The following CMKLR1 variants were observed in gnomAD, a reference collection of about 807,000 sequenced individuals.
The protein encoded by CMKLR1 is chemerin-like receptor 1.
CMKLR1 carries 6 observed loss-of-function variants against 8.2 expected under a neutral mutation model. The observed-to-expected ratio is 0.73, with a 90% confidence interval of 0.40 to 1.44. CMKLR1 has a LOEUF of 1.44. Among genes scored for constraint, CMKLR1 ranks in the 40% most tolerant of loss-of-function variants. The probability of loss-of-function intolerance (pLI) is 0.02; values close to 1 mark genes in which losing one functional copy is unlikely to be tolerated. For synonymous variants in CMKLR1, 178 were observed against 181.2 expected (o/e 0.98, Z 0.14); for missense variants, 429 against 478.0 (o/e 0.90, Z 0.96).
chr12:108,331,077 C>G (rs1184212247), intron 1 of CMKLR1, among the ~76,000 whole-genome samples: 1 of 152,194 alleles, frequency 6.6e-6, no homozygotes, highest in East Asian at 1.9e-4. Flanking sequence ...GGGGCAGAGA[C>G]AGAAAGGTTC....
chr12:108,301,983 A>G (rs6539422), intron 2 of CMKLR1, among the ~76,000 whole-genome samples: 55,650 of 151,648 alleles, frequency 0.37, 10,589 homozygotes, highest in East Asian at 0.47. Context: ...CCTGCCTCCA[A>G]CGGAGGAAGA....
In CMKLR1 at chr12:108,330,101, G is replaced by C. The variant is rs913284421; in HGVS notation, c.-180C>G. On this transcript the variant is annotated 5_prime_UTR_variant, in exon 2 of 4. Coordinates refer to ENST00000550402, the MANE Select transcript of CMKLR1 (RefSeq NM_001142343.2). ...CAGAAAGTGGTAGAAGTGATGCTGT[G>C]CTAGTCCCAGCCTAGATCTCTAGAT... The C allele has an allele frequency of 1.3e-5, 2 of 152,204 alleles. No individual in the cohort carries two copies. The highest frequency in any genetic ancestry group is 4.8e-5 in the African/African-American group (2 of 41,446). The allele number at this position is 152,204 out of a possible 1,614,324, so 9.4% of individuals were successfully genotyped here.
chr12:108,321,053 C>G (rs185915858), intron 2 of CMKLR1, among the ~76,000 whole-genome samples: 1 of 152,228 alleles, frequency 6.6e-6, no homozygotes, highest in African/African-American at 2.4e-5. Context: ...CTCAGCAGAG[C>G]AGGAGCAGCC....
intron 2 of CMKLR1, among the ~76,000 whole-genome samples, chr12:108,311,567 A>G (rs148529038): frequency 4.9e-4 from 75 of 152,356 alleles, no homozygotes; most frequent in African/African-American, 1.8e-3. Flanking sequence ...TCGAGGCTGC[A>G]GTGAGCTATG....
intron 2 of CMKLR1, among the ~76,000 whole-genome samples, chr12:108,300,681 A>G (rs572581492): frequency 1.3e-5 from 2 of 152,322 alleles, no homozygotes; most frequent in South Asian, 4.1e-4. Context: ...CACATTACTT[A>G]GCCCTCTCTA....
chr12:108,308,261 C>G (rs1023871633), intron 2 of CMKLR1, among the ~76,000 whole-genome samples: 1 of 152,222 alleles, frequency 6.6e-6, no homozygotes, highest in African/African-American at 2.4e-5. Flanking sequence ...TGGTGAGGTG[C>G]TTGTCACCAC....
intron 2 of CMKLR1, among the ~76,000 whole-genome samples, chr12:108,309,481 G>C (rs970755541): frequency 2.0e-5 from 3 of 151,830 alleles, no homozygotes; most frequent in Non-Finnish European, 1.5e-5. Context: ...GCTGCAGTGA[G>C]CTATGATTGC....
chr12:108,311,008 C>G (rs1891549681), intron 2 of CMKLR1, among the ~76,000 whole-genome samples: 1 of 147,228 alleles, frequency 6.8e-6, no homozygotes, highest in South Asian at 2.3e-4. Context: ...AGTCAGCAGT[C>G]TCTGGGGTCT....
Position 108,313,563 on chromosome 12 carries a change from A to G in CMKLR1, c.-74+16432T>C, listed in dbSNP as rs532153547. Among the ~76,000 whole-genome samples, 10 of 152,324 alleles carry G rather than the reference A, an allele frequency of 6.6e-5. No homozygotes were observed. The South Asian group carries it at 2.1e-3, about 32-fold the overall frequency. ...AAAGATTTCATGAGATCATATACGT[A>G]GGGTGCATAGGGTGACCAGTTGTCC... On this transcript the variant is annotated intron_variant, in intron 2 of 3. Coordinates refer to ENST00000550402, the MANE Select transcript of CMKLR1 (RefSeq NM_001142343.2).
intron 2 of CMKLR1, among the ~76,000 whole-genome samples, chr12:108,317,420 C>T (rs1404274179): frequency 6.6e-6 from 1 of 152,118 alleles, no homozygotes; most frequent in African/African-American, 2.4e-5. Context: ...CTCAGGAGGC[C>T]ACCAGGAGTG....
intron 2 of CMKLR1, among the ~76,000 whole-genome samples, chr12:108,302,239 G>A (rs1398453670): frequency 6.6e-6 from 1 of 152,220 alleles, no homozygotes; most frequent in Non-Finnish European, 1.5e-5. Flanking sequence ...AAAGCTGGAC[G>A]CTTCCCAGGT....
chr12:108,329,351 C>T (rs1892052633), intron 2 of CMKLR1, among the ~76,000 whole-genome samples: 1 of 152,236 alleles, frequency 6.6e-6, no homozygotes, highest in Admixed American at 6.5e-5. Flanking sequence ...TGTGTTCATG[C>T]AGCTCTCCCT....
At chr12:108,304,871 C>CA (rs1891367584) in intron 2 of CMKLR1, among the ~76,000 whole-genome samples, 1 of 152,258 alleles carries the variant, frequency 6.6e-6, no homozygotes, top group South Asian at 2.1e-4. Flanking sequence ...TTCCTGAAAG[C>CA]AGGCCACAGG....
At chr12:108,318,994 G>A (rs1002358137) in intron 2 of CMKLR1, among the ~76,000 whole-genome samples, 4 of 152,148 alleles carry the variant, frequency 2.6e-5, no homozygotes, top group Non-Finnish European at 5.9e-5. Flanking sequence ...GGACAACAGG[G>A]TGCCTGCCTC....
chr12:108,335,260 T>C (rs2137348883), intron 1 of CMKLR1, among the ~76,000 whole-genome samples: 1 of 152,332 alleles, frequency 6.6e-6, no homozygotes, highest in South Asian at 2.1e-4. Flanking sequence ...TGTAACTCCA[T>C]GTCCTGGCCT....
chr12:108,297,561 G>T (rs1044133091), intron 2 of CMKLR1, among the ~76,000 whole-genome samples: 1 of 152,118 alleles, frequency 6.6e-6, no homozygotes, highest in South Asian at 2.1e-4. Flanking sequence ...TATGTGCTTT[G>T]CAAGACTCCA....
intron 2 of CMKLR1, among the ~76,000 whole-genome samples, chr12:108,295,799 G>A (rs73407458): frequency 0.11 from 16,031 of 152,254 alleles, 1,010 homozygotes; most frequent in African/African-American, 0.17. Flanking sequence ...TGAGTGCTTC[G>A]CACAGCATCT....
chr12:108,292,993 C>A, intron 3 of CMKLR1, 34 bp from the exon 4 acceptor site: 2 of 1,560,968 alleles, frequency 1.3e-6, no homozygotes, highest in Non-Finnish European at 1.7e-6. Flanking sequence ...TAGAGGAACC[C>A]TAGAGTTGGC....
intron 2 of CMKLR1, among the ~76,000 whole-genome samples, chr12:108,299,902 G>A (rs898756704): frequency 6.6e-6 from 1 of 152,174 alleles, no homozygotes; most frequent in Admixed American, 6.5e-5. Flanking sequence ...AGTTTGTTAT[G>A]GCAGCGCTGG....
Sources: gnomAD v4.1 joint callset for allele counts (sites outside exome capture counted in the v4.1 genomes callset) on GRCh38, gnomAD v4.1.1 for gene constraint, MANE v1.5 for transcripts, NCBI Gene and HGNC (gene_info 2026-07-23, HGNC 2026-07-21) for gene names.